MZT2A: variants seen among roughly 807,000 people sequenced by gnomAD.
MZT2A encodes mitotic-spindle organizing protein 2A.
Under a neutral mutation model 12.4 loss-of-function variants are expected in MZT2A, and 8 were observed. The ratio of observed to expected loss-of-function variants is 0.64; its 90% CI spans 0.38 to 1.16. MZT2A has a LOEUF of 1.16. Among genes scored for constraint, MZT2A ranks in the 50% most tolerant of loss-of-function variants. The pLI, the probability that MZT2A is intolerant of heterozygous loss-of-function variation, is 0.01. For missense variants in MZT2A, 181 were observed against 223.6 expected (o/e 0.81, Z 1.22); for synonymous variants, 88 against 107.5 (o/e 0.82, Z 1.12).
At chr2:131,490,571 C>A in intron 2 of MZT2A, 1 of 1,523,096 alleles carries the variant, frequency 6.6e-7, no homozygotes, top group Non-Finnish European at 8.8e-7. Context: ...GAAATAGTGC[C>A]CTGTGGCTAA....
intron 2 of MZT2A, chr2:131,490,692 A>G: frequency 6.5e-7 from 1 of 1,549,530 alleles, no homozygotes; most frequent in South Asian, 1.2e-5. Context: ...CAACCCCCAG[A>G]GATAAGCCAA....
intron 2 of MZT2A, among the ~76,000 whole-genome samples, chr2:131,485,525 T>A (rs1679019966): frequency 6.6e-6 from 1 of 152,052 alleles, no homozygotes; most frequent in Admixed American, 6.5e-5. Context: ...TGCAGCCCCC[T>A]CTGTATATAA....
At chr2:131,476,098 C>T (rs1678654275) in intron 2 of MZT2A, 2 of 1,567,150 alleles carry the variant, frequency 1.3e-6, no homozygotes, top group East Asian at 2.4e-5. Flanking sequence ...GGGCCAATCC[C>T]GTGCGGCGCG....
chr2:131,470,484 T>C, intron 3 of MZT2A: 1 of 347,214 alleles, frequency 2.9e-6, no homozygotes, highest in Non-Finnish European at 5.7e-6. Context: ...AGAAATCCCC[T>C]GCTTGGAAAA....
upstream of MZT2A, chr2:131,492,665 T>C (rs891370400): frequency 1.6e-6 from 2 of 1,260,208 alleles, no homozygotes; most frequent in South Asian, 1.6e-5. Flanking sequence ...TCGTGCTCGC[T>C]TAGGTGGCAG....
chr2:131,492,734 C>G, upstream of MZT2A: 1 of 1,238,264 alleles, frequency 8.1e-7, no homozygotes, highest in Non-Finnish European at 1.0e-6. Flanking sequence ...TTCAAGAAAG[C>G]GTGCAATTTT....
intron 2 of MZT2A, among the ~76,000 whole-genome samples, chr2:131,474,405 C>CA (rs1678582387): frequency 3.2e-5 from 3 of 94,846 alleles, no homozygotes; most frequent in Non-Finnish European, 2.0e-5. Context: ...TCTTCTTCTT[C>CA]TTTTTTTTTT....
chr2:131,492,969 C>A (rs1679411797), upstream of MZT2A: 27 of 1,525,206 alleles, frequency 1.8e-5, no homozygotes, highest in Admixed American at 6.0e-5. Context: ...GGCCGGCCGG[C>A]CTTCTTCGCT....
chr2:131,492,623 C>T (rs1272450053), upstream of MZT2A: 4 of 1,212,288 alleles, frequency 3.3e-6, no homozygotes, highest in Non-Finnish European at 4.1e-6. Flanking sequence ...AGCTGCTTGG[C>T]GGTCAGGGCG....
chr2:131,489,878 C>G, intron 2 of MZT2A: 1 of 971,862 alleles, frequency 1.0e-6, no homozygotes, highest in Non-Finnish European at 1.2e-6. Context: ...CCTGCCACGC[C>G]CTCTGCCCTG....
rs375964987 is a variant in MZT2A at position 131,471,692 on chromosome 2, G to A, written c.393+376C>T. ...CGAGGTCACTGGTGTCAGGCGCAGCGTGTCACTGCAGATAACACAGTGCCC... is the reference window on the plus strand; with the variant it reads ...CGAGGTCACTGGTGTCAGGCGCAGCATGTCACTGCAGATAACACAGTGCCC... On this transcript the variant is annotated intron_variant and NMD_transcript_variant, in intron 3 of 4. Coordinates refer to the MZT2A transcript ENST00000427024. 3.3e-3 allele frequency among the ~76,000 whole-genome samples: 498 copies of A among 150,680 alleles called. 2 individuals carry two copies. The highest frequency in any genetic ancestry group is 0.027 in the Middle Eastern group (8 of 294).
chr2:131,475,911 C>T (rs1422567069), intron 2 of MZT2A, among the ~76,000 whole-genome samples: 1 of 151,658 alleles, frequency 6.6e-6, no homozygotes, highest in Non-Finnish European at 1.5e-5. Flanking sequence ...AGAAGACACC[C>T]CGGAAATGCC....
chr2:131,478,329 G>A (rs1406912568), intron 2 of MZT2A: 2 of 1,614,000 alleles, frequency 1.2e-6, no homozygotes, highest in Non-Finnish European at 1.7e-6. Flanking sequence ...CAGTGAGACT[G>A]GAGCTGGCAA....
chr2:131,490,179 G>A (rs1679230925), intron 2 of MZT2A: 3 of 720,676 alleles, frequency 4.2e-6, no homozygotes, highest in Non-Finnish European at 5.1e-6. Context: ...GATCACACCT[G>A]GTGACACCTG....
At chr2:131,477,478 C>T (rs903754386) in intron 2 of MZT2A, among the ~76,000 whole-genome samples, 1 of 152,018 alleles carries the variant, frequency 6.6e-6, no homozygotes, top group African/African-American at 2.4e-5. Flanking sequence ...GGGCAGCCTG[C>T]CAAAAGTGTG....
chr2:131,492,402 C>T (rs749530879), upstream of MZT2A: 333 of 1,235,838 alleles, frequency 2.7e-4, no homozygotes, highest in South Asian at 1.5e-3. Context: ...AAAGGTGCGC[C>T]CCGCCCCGCC....
At chr2:131,485,636 G>T (rs2314124) in intron 2 of MZT2A, among the ~76,000 whole-genome samples, 2 of 152,132 alleles carry the variant, frequency 1.3e-5, no homozygotes, top group Non-Finnish European at 2.9e-5. Context: ...GGGCAGTCCC[G>T]TGTGGGAACT....
chr2:131,493,717 G>A (rs761594176), upstream of MZT2A, among the ~76,000 whole-genome samples: 10 of 152,180 alleles, frequency 6.6e-5, no homozygotes, highest in African/African-American at 1.7e-4. Flanking sequence ...AGCAGCTCCT[G>A]GAGAAAATAG....
At chr2:131,491,350 G>A in intron 2 of MZT2A, 1 of 276,864 alleles carries the variant, frequency 3.6e-6, no homozygotes, top group Non-Finnish European at 7.0e-6. Flanking sequence ...CCCAGGTGGG[G>A]TAAAGGCAGG....
Sources: gnomAD v4.1 joint callset for allele counts (sites outside exome capture counted in the v4.1 genomes callset) on GRCh38, gnomAD v4.1.1 for gene constraint, MANE v1.5 for transcripts, NCBI Gene and HGNC (gene_info 2026-07-23, HGNC 2026-07-21) for gene names.